The following NKAIN3 variants were observed in gnomAD, a reference collection of about 807,000 sequenced individuals.
NKAIN3 encodes sodium/potassium transporting ATPase interacting 3, also known as sodium/potassium-transporting ATPase subunit beta-1-interacting protein 3.
A neutral mutation model predicts 30.2 loss-of-function variants in NKAIN3; 25 were observed. The ratio of observed to expected loss-of-function variants is 0.83; its 90% CI spans 0.60 to 1.16. The LOEUF is 1.16. NKAIN3 is among the 50% of genes most tolerant of loss of function. The probability of loss-of-function intolerance (pLI) is 0.00; values close to 1 mark genes in which losing one functional copy is unlikely to be tolerated. For synonymous variants in NKAIN3, 91 were observed against 89.6 expected (o/e 1.02, Z -0.09); for missense variants, 225 against 254.1 (o/e 0.89, Z 0.78).
At chr8:62,865,610 A>G (rs1355817685) in intron 4 of NKAIN3, among the ~76,000 whole-genome samples, 1 of 152,126 alleles carries the variant, frequency 6.6e-6, no homozygotes, top group Non-Finnish European at 1.5e-5. Flanking sequence ...AATGAGAAAT[A>G]CTTTCCCCTT....
chr8:62,685,963 CA>C (rs771578666), intron 3 of NKAIN3, among the ~76,000 whole-genome samples: 6 of 152,116 alleles, frequency 3.9e-5, no homozygotes, highest in South Asian at 4.1e-4. Flanking sequence ...TAATTAGTTA[CA>C]TTTTTTTAAA....
chr8:62,759,698 A>G (rs113321897), intron 4 of NKAIN3, among the ~76,000 whole-genome samples: 22 of 150,000 alleles, frequency 1.5e-4, no homozygotes, highest in South Asian at 8.6e-4. Context: ...TAGAAAGTAC[A>G]TAGGCATGGG....
At chr8:62,730,489 A>AT (rs1402681166) in intron 3 of NKAIN3, among the ~76,000 whole-genome samples, 2 of 151,978 alleles carry the variant, frequency 1.3e-5, no homozygotes, top group South Asian at 4.1e-4. Context: ...AATGCTATAT[A>AT]TTTTTCCTAA....
intron 1 of NKAIN3, among the ~76,000 whole-genome samples, chr8:62,464,700 A>C (rs547094832): frequency 6.6e-6 from 1 of 152,274 alleles, no homozygotes; most frequent in South Asian, 2.1e-4. Flanking sequence ...TGAAAAGCAA[A>C]ATAGTTGTTT....
At chr8:62,733,879 A>G (rs899697676) in intron 3 of NKAIN3, among the ~76,000 whole-genome samples, 4 of 152,062 alleles carry the variant, frequency 2.6e-5, no homozygotes, top group Admixed American at 1.3e-4. Flanking sequence ...TAACCTATCT[A>G]TTGATTTCTT....
chr8:62,632,387 T>C (rs1811989424), intron 3 of NKAIN3, among the ~76,000 whole-genome samples: 1 of 152,194 alleles, frequency 6.6e-6, no homozygotes. Context: ...TTTACATATA[T>C]TATTATAAAC....
intron 1 of NKAIN3, among the ~76,000 whole-genome samples, chr8:62,554,644 C>T (rs906508998): frequency 7.9e-5 from 12 of 152,038 alleles, no homozygotes; most frequent in Admixed American, 6.5e-5. Context: ...ATTGGTACCT[C>T]AAGGCATCAG....
intron 4 of NKAIN3, among the ~76,000 whole-genome samples, chr8:62,749,443 C>A (rs942787526): frequency 2.0e-5 from 3 of 152,210 alleles, no homozygotes; most frequent in Non-Finnish European, 4.4e-5. Context: ...CTATACTCTT[C>A]AGCCTTTGAG....
chr8:62,920,069 A>G (rs1822232070), intron 5 of NKAIN3, among the ~76,000 whole-genome samples: 1 of 152,224 alleles, frequency 6.6e-6, no homozygotes, highest in African/African-American at 2.4e-5. Context: ...ACAGAAGGTT[A>G]GCAGCATGCT....
At chr8:62,306,759 A>G (rs1814258949) in intron 1 of NKAIN3, among the ~76,000 whole-genome samples, 1 of 150,080 alleles carries the variant, frequency 6.7e-6, no homozygotes, top group African/African-American at 2.5e-5. Context: ...TTCAGGATGA[A>G]TGACCACTGA....
At chr8:62,707,052 T>TACACACACACACACACAC (rs1219559233) in intron 3 of NKAIN3, among the ~76,000 whole-genome samples, 1 of 99,166 alleles carries the variant, frequency 1.0e-5, no homozygotes, top group African/African-American at 3.0e-5. Flanking sequence ...CCATCATACA[T>TACACACACACACACACAC]ACATACACAC....
At chr8:62,707,444 T>C (rs149539130) in intron 3 of NKAIN3, among the ~76,000 whole-genome samples, 5,384 of 152,136 alleles carry the variant, frequency 0.035, 317 homozygotes, top group African/African-American at 0.12. Flanking sequence ...GGTAGTATCA[T>C]ATTGTGGTTT....
intron 1 of NKAIN3, among the ~76,000 whole-genome samples, chr8:62,423,920 G>T (rs1204778272): frequency 1.3e-5 from 2 of 151,930 alleles, no homozygotes; most frequent in Admixed American, 6.6e-5. Flanking sequence ...TTTTTACTTA[G>T]CTGAACACTG....
intron 1 of NKAIN3, among the ~76,000 whole-genome samples, chr8:62,553,535 A>T (rs964816291): frequency 7.0e-6 from 1 of 142,640 alleles, no homozygotes; most frequent in African/African-American, 2.8e-5. Context: ...TTTTATACTG[A>T]ACACTTTTTT....
chr8:62,410,707 A>C (rs1430967297), intron 1 of NKAIN3, among the ~76,000 whole-genome samples: 1 of 152,236 alleles, frequency 6.6e-6, no homozygotes, highest in African/African-American at 2.4e-5. Context: ...CAGAAATATA[A>C]AAGATCCTCA....
intron 5 of NKAIN3, among the ~76,000 whole-genome samples, chr8:62,939,276 A>G (rs1457300282): frequency 6.6e-6 from 1 of 152,222 alleles, no homozygotes; most frequent in Non-Finnish European, 1.5e-5. Context: ...CAAACGTAAG[A>G]ATAATTGGTG....
intron 1 of NKAIN3, among the ~76,000 whole-genome samples, chr8:62,359,167 G>A (rs1816461112): frequency 6.6e-6 from 1 of 152,188 alleles, no homozygotes; most frequent in Non-Finnish European, 1.5e-5. Flanking sequence ...GGGTGACAGA[G>A]CGAGACTCCG....
chr8:62,679,847 T>G (rs1181603750), intron 3 of NKAIN3, among the ~76,000 whole-genome samples: 1 of 152,104 alleles, frequency 6.6e-6, no homozygotes, highest in Non-Finnish European at 1.5e-5. Flanking sequence ...CAATTCAACA[T>G]GATATTTGGG....
chr8:62,743,187 C>T (rs1815962266), intron 3 of NKAIN3, among the ~76,000 whole-genome samples: 1 of 152,110 alleles, frequency 6.6e-6, no homozygotes. Context: ...AAAGCTTCAA[C>T]AATAAAGTGA....
Sources: allele counts gnomAD v4.1 joint callset (sites outside exome capture counted in the v4.1 genomes callset), GRCh38; gene constraint gnomAD v4.1.1; transcripts MANE v1.5; gene names NCBI Gene and HGNC (gene_info 2026-07-23, HGNC 2026-07-21).